The following KCNB2 variants were observed in gnomAD, a reference collection of about 807,000 sequenced individuals.
The protein encoded by KCNB2 is delayed rectifier potassium channel protein.
A neutral mutation model predicts 61.5 loss-of-function variants in KCNB2; 15 were observed. The ratio of observed to expected loss-of-function variants is 0.24; its 90% confidence interval spans 0.16 to 0.38. KCNB2 has a LOEUF of 0.38. KCNB2 is among the 10% of genes least tolerant of loss of function. The pLI is 1.00. For missense variants in KCNB2, 828 were observed against 1,125.2 expected (o/e 0.74, Z 3.78); for synonymous variants, 457 against 446.0 (o/e 1.02, Z -0.31).
chr8:72,578,282 A>T (rs566943365), intron 2 of KCNB2, among the ~76,000 whole-genome samples: 1 of 152,222 alleles, frequency 6.6e-6, no homozygotes, highest in South Asian at 2.1e-4. Flanking sequence ...AGGCAGAAAA[A>T]CGTTAGTAGG....
At chr8:72,689,020 T>C (rs1302933084) in intron 2 of KCNB2, among the ~76,000 whole-genome samples, 1 of 152,192 alleles carries the variant, frequency 6.6e-6, no homozygotes, top group Non-Finnish European at 1.5e-5. Flanking sequence ...TGAGCCACCA[T>C]GCCCAGCCTA....
rs1409247030 is a variant in KCNB2, at chr8:72,561,711, A to G, written c.-93-5931A>G. ...TACTTTTATATATATATATATATAT[A>G]TATATATATATATATATCTATATCT... On this transcript the variant is annotated intron_variant, in intron 1 of 2. Coordinates refer to ENST00000523207, the MANE Select transcript of KCNB2 (RefSeq NM_004770.3). Among the ~76,000 whole-genome samples, 40 of 23,992 alleles carry G rather than the reference A, an allele frequency of 1.7e-3. 1 individual carries two copies. The highest frequency in any genetic ancestry group is 5.2e-3 in the African/African-American group (20 of 3,880). 15.7% of individuals were successfully genotyped at this position (23,992 alleles called of 152,430 possible).
chr8:72,778,806 A>C (rs1044708950), intron 2 of KCNB2, among the ~76,000 whole-genome samples: 1 of 151,068 alleles, frequency 6.6e-6, no homozygotes, highest in African/African-American at 2.4e-5. Context: ...AAGAAAAAGA[A>C]AGAATTCTTT....
At chr8:72,823,590 T>C (rs887068821) in intron 2 of KCNB2, among the ~76,000 whole-genome samples, 1 of 152,244 alleles carries the variant, frequency 6.6e-6, no homozygotes, top group Non-Finnish European at 1.5e-5. Flanking sequence ...GATGTTCAAG[T>C]TGTTGAAACT....
At chr8:72,585,998 T>C (rs1412750268) in intron 2 of KCNB2, among the ~76,000 whole-genome samples, 1 of 152,326 alleles carries the variant, frequency 6.6e-6, no homozygotes, top group East Asian at 1.9e-4. Flanking sequence ...TTTCTTATGT[T>C]CTCTTTCACT....
intron 2 of KCNB2, among the ~76,000 whole-genome samples, chr8:72,828,646 C>T (rs889018788): frequency 6.6e-5 from 10 of 152,136 alleles, no homozygotes; most frequent in Admixed American, 5.2e-4. Context: ...ATTTATTATG[C>T]TAAAAATATA....
intron 2 of KCNB2, among the ~76,000 whole-genome samples, chr8:72,806,639 A>C (rs1809229075): frequency 6.6e-6 from 1 of 152,108 alleles, no homozygotes; most frequent in Non-Finnish European, 1.5e-5. Flanking sequence ...TGAATAATTT[A>C]ATCAAAGATG....
At chr8:72,868,459 T>C (rs1025886562) in intron 2 of KCNB2, among the ~76,000 whole-genome samples, 1 of 151,662 alleles carries the variant, frequency 6.6e-6, no homozygotes, top group East Asian at 2.0e-4. Context: ...ACACCTGTAG[T>C]CCCAGCTACT....
chr8:72,724,604 A>G (rs187808503), intron 2 of KCNB2, among the ~76,000 whole-genome samples: 93 of 152,334 alleles, frequency 6.1e-4, no homozygotes, highest in African/African-American at 2.1e-3. Context: ...CAATATTAGG[A>G]CACCACGTTA....
chr8:72,733,763 C>G (rs983209016), intron 2 of KCNB2, among the ~76,000 whole-genome samples: 6 of 152,020 alleles, frequency 3.9e-5, no homozygotes, highest in Non-Finnish European at 7.4e-5. Flanking sequence ...TGATTGTAGC[C>G]CCTGATTTTT....
At chr8:72,633,748 A>G (rs1281038598) in intron 2 of KCNB2, among the ~76,000 whole-genome samples, 1 of 152,186 alleles carries the variant, frequency 6.6e-6, no homozygotes, top group Non-Finnish European at 1.5e-5. Flanking sequence ...TTCCCATGCA[A>G]CACAATTAAA....
intron 2 of KCNB2, among the ~76,000 whole-genome samples, chr8:72,635,153 A>T (rs1054428696): frequency 6.6e-6 from 1 of 152,144 alleles, no homozygotes; most frequent in Non-Finnish European, 1.5e-5. Context: ...ATTCCTGGGG[A>T]GGGAACTGCC....
At chr8:72,851,845 A>AAAAAAAAAAAAAAAAAC (rs1563404693) in intron 2 of KCNB2, among the ~76,000 whole-genome samples, 66 of 148,024 alleles carry the variant, frequency 4.5e-4, no homozygotes, top group African/African-American at 1.6e-3. Context: ...AAAAAAAAAA[A>AAAAAAAAAAAAAAAAAC]AAACACGTAC....
chr8:72,875,256 T>TCTTCTC (rs1490944770), intron 2 of KCNB2: 2 of 152,280 alleles, frequency 1.3e-5, no homozygotes, highest in East Asian at 3.9e-4. Flanking sequence ...GGAACCTGCA[T>TCTTCTC]CTTCTCCTTC....
intron 1 of KCNB2, among the ~76,000 whole-genome samples, chr8:72,562,613 CAT>C (rs1806555393): frequency 6.6e-6 from 1 of 152,138 alleles, no homozygotes; most frequent in South Asian, 2.1e-4. Context: ...GACATGAAAA[CAT>C]GTGTTCTGAG....
intron 2 of KCNB2, among the ~76,000 whole-genome samples, chr8:72,578,563 AT>A (rs1414969450): frequency 6.6e-6 from 1 of 152,152 alleles, no homozygotes; most frequent in Admixed American, 6.6e-5. Context: ...CCTGGTCTTT[AT>A]TTTTCAGACT....
chr8:72,906,339 A>G (rs1245736775), intron 2 of KCNB2, among the ~76,000 whole-genome samples: 1 of 152,208 alleles, frequency 6.6e-6, no homozygotes, highest in Non-Finnish European at 1.5e-5. Context: ...TATAGATCTT[A>G]TGATTCTGGC....
chr8:72,603,782 C>T (rs963088495), intron 2 of KCNB2, among the ~76,000 whole-genome samples: 2 of 152,208 alleles, frequency 1.3e-5, no homozygotes, highest in East Asian at 3.9e-4. Context: ...CCTCTTACTC[C>T]AAACTTGCTC....
chr8:72,723,947 T>C (rs1239700286), intron 2 of KCNB2, among the ~76,000 whole-genome samples: 1 of 152,186 alleles, frequency 6.6e-6, no homozygotes, highest in African/African-American at 2.4e-5. Context: ...TCACTTCCTG[T>C]ATCGATTTTT....
Sources: allele counts gnomAD v4.1 joint callset (sites outside exome capture counted in the v4.1 genomes callset), GRCh38; gene constraint gnomAD v4.1.1; transcripts MANE v1.5; gene names NCBI Gene and HGNC (gene_info 2026-07-23, HGNC 2026-07-21).